SAMD4B: variants seen among roughly 807,000 people sequenced by gnomAD.
SAMD4B encodes protein Smaug homolog 2.
Under a neutral mutation model 74.5 loss-of-function variants are expected in SAMD4B, and 5 were observed. The observed-to-expected ratio is 0.07, with a 90% CI of 0.04 to 0.14. SAMD4B has a LOEUF of 0.14. Among genes scored for constraint, SAMD4B ranks in the 10% least tolerant of loss-of-function variants. SAMD4B has a pLI of 1.00. For synonymous variants in SAMD4B, 373 were observed against 374.9 expected (o/e 1.00, Z 0.06); for missense variants, 608 against 921.8 (o/e 0.66, Z 4.41).
intron 3 of SAMD4B, among the ~76,000 whole-genome samples, chr19:39,366,282 C>T (rs1041669946): frequency 6.6e-6 from 1 of 152,098 alleles, no homozygotes; most frequent in African/African-American, 2.4e-5. Flanking sequence ...TGCCACTGCA[C>T]TCCAGCCTGG....
downstream of SAMD4B, chr19:39,388,721 G>A: frequency 6.2e-7 from 1 of 1,607,104 alleles, no homozygotes; most frequent in East Asian, 2.2e-5. Flanking sequence ...AGGACAAGAG[G>A]CAGCAAGGAG....
chr19:39,350,668 T>C (rs187006691), intron 1 of SAMD4B: 1 of 152,210 alleles, frequency 6.6e-6, no homozygotes, highest in East Asian at 1.9e-4. Context: ...TTTGTATTTT[T>C]AGTAGAGACA....
At position 39,380,607 on chromosome 19, in the gene SAMD4B, C is replaced by T. The variant is rs2077909180; in HGVS notation, c.1670C>T (p.Ser557Leu). The part of the protein sequence containing the change: ...QQKGWAFGSN[S>L]LPIAGSVGMG... ...CATAGCTGGGCATTCGGCTCCAACT[C>T]GCTCCCCATAGCTGGCTCTGTGGGG... Residue 557 changes from serine (S) to leucine (L), a missense_variant, in exon 11 of 14, where the codon TCG becomes TTG. By Grantham distance (145) the Ser-to-Leu change is moderately radical. This residue lies in a region of SAMD4B where 167 missense variants were observed against 193.0 expected (regional missense o/e 0.87). Coordinates refer to ENST00000610417, the MANE Select transcript of SAMD4B (RefSeq NM_001384574.2). 1.2e-6 allele frequency: 2 copies of T among 1,614,204 alleles called. No individual in the cohort carries two copies. Among genetic ancestry groups the T allele is most frequent in the Non-Finnish European group, 1.7e-6 (2 of 1,180,034 alleles).
At chr19:39,370,221 C>T in intron 4 of SAMD4B, 96 bp downstream of exon 4, 5 of 1,244,208 alleles carry the variant, frequency 4.0e-6, no homozygotes, top group Non-Finnish European at 5.7e-6. Flanking sequence ...TTAGACAAGT[C>T]ACATAAGCTG....
At chr19:39,380,176 G>A (rs1477812181) in intron 10 of SAMD4B, 92 bp downstream of exon 10, 1 of 955,596 alleles carries the variant, frequency 1.0e-6, no homozygotes, top group Non-Finnish European at 1.6e-6. Flanking sequence ...GTTCTGGGCT[G>A]AGAATCTAGT....
In SAMD4B at chr19:39,379,079, CGAG is replaced by C. The variant is rs893889576; in HGVS notation, c.1530+492_1530+494del. 1.8e-4 allele frequency among the ~76,000 whole-genome samples: 27 copies of C among 150,766 alleles called. 1 individual carries two copies. The highest frequency in any genetic ancestry group is 8.8e-5 in the Non-Finnish European group (6 of 67,808). Reference sequence around the variant, plus strand: ...CTCTTTTTTTTTTTTTTAATAGAGACGAGGTCTCACACTGTTGCCCTGGCTGGT... The same window carrying C: ...CTCTTTTTTTTTTTTTTAATAGAGACGTCTCACACTGTTGCCCTGGCTGGT... On this transcript the variant is annotated intron_variant, in intron 9 of 13. Coordinates refer to ENST00000610417, the MANE Select transcript of SAMD4B (RefSeq NM_001384574.2).
downstream of SAMD4B, chr19:39,390,403 T>C: frequency 1.0e-6 from 1 of 987,016 alleles, no homozygotes; most frequent in Non-Finnish European, 1.6e-6. Flanking sequence ...CTGGTTTCTT[T>C]GGGTGGTGGT....
intron 4 of SAMD4B, among the ~76,000 whole-genome samples, chr19:39,371,816 CAA>C (rs35567892): frequency 5.6e-5 from 7 of 124,572 alleles, no homozygotes; most frequent in African/African-American, 1.6e-4. Flanking sequence ...GACCCCATCT[CAA>C]AAAAAAAAAA....
chr19:39,361,172 G>A (rs2076622048), intron 3 of SAMD4B, among the ~76,000 whole-genome samples: 1 of 152,150 alleles, frequency 6.6e-6, no homozygotes, highest in Admixed American at 6.5e-5. Context: ...TTTTGGGAGA[G>A]GCCCAGCACA....
chr19:39,381,278 C>T, intron 12 of SAMD4B, 165 bp downstream of exon 12: 4 of 770,970 alleles, frequency 5.2e-6, no homozygotes, highest in Non-Finnish European at 7.9e-6. Flanking sequence ...GGGTTGTTTT[C>T]CTCCTCTGCT....
rs373541843 is a variant in SAMD4B at position 39,383,335 on chromosome 19, C to G, written c.2056+44C>G. 32 of 1,600,200 alleles carry G rather than the reference C, an allele frequency of 2.0e-5. No homozygotes were observed. The highest frequency in any genetic ancestry group is 2.7e-5 in the Non-Finnish European group (32 of 1,167,284). On this transcript the variant is annotated intron_variant, in intron 13 of 13. Transcript: ENST00000610417. This position sits in a 1 kb window ranked among gnomAD's most constrained non-coding sequence, Gnocchi z 4.1. Reference sequence around the variant, plus strand: ...CCTGACCCAGCTCCCACCTACCCAGCGTCTCTGCCTCTGAACTGAGCAACT... The same window carrying G: ...CCTGACCCAGCTCCCACCTACCCAGGGTCTCTGCCTCTGAACTGAGCAACT...
intron 3 of SAMD4B, 124 bp downstream of exon 3, chr19:39,357,213 G>C (rs569519831): frequency 4.0e-6 from 3 of 752,950 alleles, no homozygotes; most frequent in South Asian, 2.2e-5. Context: ...TGGTGGGTGG[G>C]GAGTTCCTTA....
At chr19:39,358,917 A>C (rs1468679056) in intron 3 of SAMD4B, among the ~76,000 whole-genome samples, 1 of 152,140 alleles carries the variant, frequency 6.6e-6, no homozygotes, top group Non-Finnish European at 1.5e-5. Flanking sequence ...AGTCACCCTT[A>C]TTTTACTGAG....
chr19:39,390,615 C>T (rs1288316158), downstream of SAMD4B, among the ~76,000 whole-genome samples: 3 of 152,146 alleles, frequency 2.0e-5, no homozygotes, highest in Admixed American at 6.5e-5. Context: ...GGGATCCCTT[C>T]TGGAGGGAGT....
intron 12 of SAMD4B, among the ~76,000 whole-genome samples, chr19:39,382,979 C>G (rs1013878097): frequency 1.3e-5 from 2 of 152,144 alleles, no homozygotes; most frequent in Admixed American, 6.5e-5. Flanking sequence ...CAATTCCACT[C>G]TCTGCAAGTC....
intron 1 of SAMD4B, chr19:39,351,009 TCTCA>T (rs1442965734): frequency 6.6e-6 from 1 of 151,976 alleles, no homozygotes; most frequent in African/African-American, 2.4e-5. Context: ...TGAGACAGGG[TCTCA>T]CTCTGTTGCC....
At chr19:39,386,997 TG>T (rs935142647), downstream of SAMD4B, among the ~76,000 whole-genome samples, 56 of 152,344 alleles carry the variant, frequency 3.7e-4, no homozygotes, top group African/African-American at 1.3e-3. The surrounding 1 kb of genome is among the most constrained non-coding windows in gnomAD (Gnocchi z 6.1). Flanking sequence ...ATGGCTCCCA[TG>T]GCACCAGTTT....
chr19:39,373,972 T>A lies in SAMD4B; in HGVS notation c.668-1678T>A, dbSNP rs28532861. 1.7e-4 allele frequency among the ~76,000 whole-genome samples: 18 copies of A among 104,356 alleles called. No individual in the cohort carries two copies. In the South Asian group the frequency reaches 2.6e-3, roughly 15 times the overall value. The allele number at this position is 104,356 out of a possible 152,430, so 68.5% of individuals were successfully genotyped here. A position where few individuals can be genotyped will look rare whatever the true frequency, so the allele number is the denominator to read the frequency against. ...AGAGTGAAATTCCATCTCTAAAAAA[T>A]ATATATATATATGACCAGGCACAGG... On this transcript the variant is annotated intron_variant, in intron 4 of 13. Coordinates refer to ENST00000610417, the MANE Select transcript of SAMD4B (RefSeq NM_001384574.2).
intron 3 of SAMD4B, among the ~76,000 whole-genome samples, chr19:39,358,202 C>T (rs2076440996): frequency 6.6e-6 from 1 of 152,146 alleles, no homozygotes; most frequent in Non-Finnish European, 1.5e-5. Flanking sequence ...ACCCGGGAGG[C>T]GGAGGTTGCA....
Sources: allele counts gnomAD v4.1 joint callset (sites outside exome capture counted in the v4.1 genomes callset), GRCh38; gene constraint gnomAD v4.1.1; regional missense constraint gnomAD v4.1.1; non-coding constraint Gnocchi (gnomAD v3.1); transcripts MANE v1.5; gene names NCBI Gene and HGNC (gene_info 2026-07-23, HGNC 2026-07-21).